Variants in RAP1GAP2 observed in about 807,000 individuals in gnomAD.
The protein encoded by RAP1GAP2 is rap1 GTPase-activating protein 2.
A neutral mutation model predicts 95.0 loss-of-function variants in RAP1GAP2; 27 were observed. The ratio of observed to expected loss-of-function variants is 0.28; its 90% CI spans 0.21 to 0.39. The LOEUF is 0.39. Ranked by LOEUF, RAP1GAP2 falls within the 10% of genes least tolerant of loss-of-function variation. RAP1GAP2 has a pLI of 1.00. For missense variants in RAP1GAP2, 771 were observed against 970.0 expected, an observed-to-expected ratio of 0.79 and a Z score of 2.72; for synonymous variants, 373 against 380.9, an observed-to-expected ratio of 0.98 and a Z score of 0.24.
At chr17:2,810,341 T>A (rs1050552898) in intron 2 of RAP1GAP2, among the ~76,000 whole-genome samples, 3 of 152,002 alleles carry the variant, frequency 2.0e-5, no homozygotes, top group African/African-American at 7.3e-5. Context: ...GGCTTGAGAT[T>A]TAAAAAGTCA....
Position 3,036,139 on chromosome 17 carries a change from A to G in RAP1GAP2, c.*2778A>G, listed in dbSNP as rs1033569712. ...AAGGTCTTAATGAGAGTGTCTGTCT[A>G]TGCCAATCATGTAAAATGACGTTTC... On this transcript the variant is annotated 3_prime_UTR_variant, in exon 25 of 25. Coordinates refer to ENST00000254695, the MANE Select transcript of RAP1GAP2 (RefSeq NM_015085.5). The G allele has an allele frequency of 6.6e-6, 1 of 152,260 alleles. No homozygotes were observed. The highest frequency in any genetic ancestry group is 1.5e-5 in the Non-Finnish European group (1 of 68,054). 9.4% of individuals were successfully genotyped at this position (152,260 alleles called of 1,614,324 possible). A position where few individuals can be genotyped will look rare whatever the true frequency, so the allele number is the denominator to read the frequency against.
intron 2 of RAP1GAP2, among the ~76,000 whole-genome samples, chr17:2,838,016 C>CTTTTTT (rs71153304): frequency 3.0e-4 from 28 of 94,448 alleles, no homozygotes; most frequent in Non-Finnish European, 3.8e-4. Context: ...TTCTTTTTTC[C>CTTTTTT]TTTTTTTTTT....
chr17:2,949,607 G>C (rs1180487524), intron 3 of RAP1GAP2, among the ~76,000 whole-genome samples: 1 of 151,852 alleles, frequency 6.6e-6, no homozygotes, highest in Non-Finnish European at 1.5e-5. Context: ...AGTGCCTGCT[G>C]TATGCCCTGA....
intron 1 of RAP1GAP2, among the ~76,000 whole-genome samples, chr17:2,784,463 G>A (rs973076241): frequency 6.6e-6 from 1 of 151,790 alleles, no homozygotes; most frequent in African/African-American, 2.4e-5. Flanking sequence ...TAGAGACAGG[G>A]TCTTGCCATG....
rs7217386 is a variant in RAP1GAP2, at chr17:3,025,547, C to T, written c.1752-461C>T. Among the ~76,000 whole-genome samples the T allele has an allele frequency of 3.7e-3, 563 of 152,302 alleles. 7 individuals are homozygous for T. The highest frequency in any genetic ancestry group is 0.013 in the African/African-American group (527 of 41,568). On this transcript the variant is annotated intron_variant, in intron 19 of 24. Coordinates refer to ENST00000254695, the MANE Select transcript of RAP1GAP2 (RefSeq NM_015085.5). The stretch of plus-strand genomic sequence containing the variant: ...GCCTCCTCATGTGGGACCAGGAGCT[C>T]GTATTCTAGTCTATATGAAGGATGG...
At chr17:2,884,532 CT>C (rs767116674) in intron 2 of RAP1GAP2, among the ~76,000 whole-genome samples, 1 of 151,914 alleles carries the variant, frequency 6.6e-6, no homozygotes, top group Non-Finnish European at 1.5e-5. Context: ...ACCACTATGC[CT>C]GGCTAATATT....
chr17:2,902,704 C>T lies in RAP1GAP2; in HGVS notation c.81-2580C>T, dbSNP rs76274596. ...CCTTCTGGTCAGAAGCTGCCATGTGCTCCGACTTGAGAGTCTGCCTCGCTT... is the reference window on the plus strand; with the variant it reads ...CCTTCTGGTCAGAAGCTGCCATGTGTTCCGACTTGAGAGTCTGCCTCGCTT... On this transcript the variant is annotated intron_variant, in intron 2 of 24. Coordinates refer to ENST00000254695, the MANE Select transcript of RAP1GAP2 (RefSeq NM_015085.5). This position sits in a 1 kb window ranked among gnomAD's most constrained non-coding sequence, Gnocchi z 4.1. Among the ~76,000 whole-genome samples the T allele has an allele frequency of 1.3e-5, 2 of 152,242 alleles. No individual in the cohort carries two copies. Among genetic ancestry groups the T allele is most frequent in the South Asian group, 2.1e-4 (1 of 4,830 alleles).
chr17:2,778,154 G>A (rs542712619), intron 1 of RAP1GAP2, among the ~76,000 whole-genome samples: 1 of 150,478 alleles, frequency 6.6e-6, no homozygotes, highest in South Asian at 2.1e-4. Context: ...GCTCCAAGCT[G>A]TGGTGCTGGG....
At chr17:2,769,613 G>T (rs2068350161) in intron 1 of RAP1GAP2, among the ~76,000 whole-genome samples, 1 of 151,782 alleles carries the variant, frequency 6.6e-6, no homozygotes, top group South Asian at 2.1e-4. Context: ...AAATAAAAAA[G>T]AAAAAATAAG....
chr17:2,772,451 T>G (rs947441411), upstream of RAP1GAP2, among the ~76,000 whole-genome samples: 1 of 152,056 alleles, frequency 6.6e-6, no homozygotes, highest in African/African-American at 2.4e-5. Flanking sequence ...CTTGCATGGC[T>G]AATTTATTTC....
intron 12 of RAP1GAP2, among the ~76,000 whole-genome samples, chr17:2,991,881 C>T (rs958293302): frequency 2.0e-5 from 3 of 152,134 alleles, no homozygotes; most frequent in Non-Finnish European, 2.9e-5. Context: ...TCTCCTGCCT[C>T]GGCCTCCGGA....
At position 3,005,784 on chromosome 17, in the gene RAP1GAP2, G is replaced by T. The variant is rs1485793382; in HGVS notation, c.1273-171G>T. Among the ~76,000 whole-genome samples, 3 of 152,180 alleles carry T rather than the reference G, an allele frequency of 2.0e-5. No individual in the cohort carries two copies. Among genetic ancestry groups the T allele is most frequent in the Non-Finnish European group, 2.9e-5 (2 of 68,036 alleles). ...CAGGACCAGGGAAGCGGGTTTCCTTGTTGGGATATTTGCAAGTGGGCTTGG... is the reference window on the plus strand; with the variant it reads ...CAGGACCAGGGAAGCGGGTTTCCTTTTTGGGATATTTGCAAGTGGGCTTGG... On this transcript the variant is annotated intron_variant, in intron 15 of 24. Transcript: ENST00000254695. This position sits in a 1 kb window ranked among gnomAD's most constrained non-coding sequence, Gnocchi z 5.2.
At chr17:2,779,291 A>C (rs991407529) in intron 1 of RAP1GAP2, among the ~76,000 whole-genome samples, 1 of 152,200 alleles carries the variant, frequency 6.6e-6, no homozygotes, top group Admixed American at 6.5e-5. Flanking sequence ...GCATTTATTG[A>C]ATTTTTGAAC....
At chr17:2,803,953 A>G (rs1310388767) in intron 2 of RAP1GAP2, among the ~76,000 whole-genome samples, 2 of 152,226 alleles carry the variant, frequency 1.3e-5, no homozygotes, top group Non-Finnish European at 2.9e-5. Flanking sequence ...TGTGGTACGG[A>G]CATAAAGATG....
At chr17:2,820,776 T>C (rs1275809016) in intron 2 of RAP1GAP2, among the ~76,000 whole-genome samples, 1 of 151,928 alleles carries the variant, frequency 6.6e-6, no homozygotes, top group Non-Finnish European at 1.5e-5. Context: ...TCACTCTGTA[T>C]AGTGGCATGA....
rs1468443606 is a variant in RAP1GAP2 at position 2,963,456 on chromosome 17, C to T, written c.273C>T (p.Ile91=). 3.7e-6 allele frequency: 6 copies of T among 1,613,844 alleles called. No individual in the cohort carries two copies. Among genetic ancestry groups the T allele is most frequent in the Admixed American group, 1.7e-5 (1 of 60,014 alleles). Residue 91 remains isoleucine, a synonymous_variant, in exon 6 of 25, where the codon ATC becomes ATT. Transcript: ENST00000254695. The surrounding 1 kb of genome is among the most constrained non-coding windows in gnomAD (Gnocchi z 4.8). ...NKDDYIPYPS[I]DEVVEKGGPY... is the part of the protein sequence containing the mutation. Reference sequence around the variant, plus strand: ...ACGACTATATCCCATACCCCAGCATCGACGAGGTAGGTGCCCTCCCCTCAC... The same window carrying T: ...ACGACTATATCCCATACCCCAGCATTGACGAGGTAGGTGCCCTCCCCTCAC...
intron 3 of RAP1GAP2, among the ~76,000 whole-genome samples, chr17:2,914,427 T>G (rs993264365): frequency 1.3e-5 from 2 of 152,184 alleles, no homozygotes; most frequent in African/African-American, 4.8e-5. Context: ...CCTTCCTCCT[T>G]CCTTTAAATT....
chr17:2,967,175 T>C (rs1294577962), intron 8 of RAP1GAP2, among the ~76,000 whole-genome samples: 5 of 152,072 alleles, frequency 3.3e-5, no homozygotes, highest in Non-Finnish European at 7.4e-5. Flanking sequence ...GAGACCATCC[T>C]GGCTAACACG....
At position 2,903,836 on chromosome 17, in the gene RAP1GAP2, C is replaced by G. The variant is rs929560785; in HGVS notation, c.81-1448C>G. Among the ~76,000 whole-genome samples, 2 of 152,152 alleles carry G rather than the reference C, an allele frequency of 1.3e-5. No homozygotes were observed. Among genetic ancestry groups the G allele is most frequent in the Non-Finnish European group, 2.9e-5 (2 of 68,018 alleles). ...GCCTGGAAGTGTTCTCAGCCTGGTC[C>G]TGCTCCGTGGGCTCAGGGAGCCAGG... On this transcript the variant is annotated intron_variant, in intron 2 of 24. Coordinates refer to ENST00000254695, the MANE Select transcript of RAP1GAP2 (RefSeq NM_015085.5). The surrounding 1 kb of genome is among the most constrained non-coding windows in gnomAD (Gnocchi z 4.1).
Sources: gnomAD v4.1 joint callset for allele counts (sites outside exome capture counted in the v4.1 genomes callset) on GRCh38, gnomAD v4.1.1 for gene constraint, Gnocchi (gnomAD v3.1) non-coding constraint, MANE v1.5 for transcripts, NCBI Gene and HGNC (gene_info 2026-07-23, HGNC 2026-07-21) for gene names.